B4GALT5: variants seen among roughly 807,000 people sequenced by gnomAD.
B4GALT5 encodes beta-1,4-galactosyltransferase 5.
In B4GALT5, 11 loss-of-function variants were observed where a neutral mutation model predicts 45.0. That is an observed-to-expected ratio of 0.24 (90% confidence interval 0.15 to 0.40). B4GALT5 has a LOEUF of 0.40. Ranked by LOEUF, B4GALT5 falls within the 10% of genes least tolerant of loss-of-function variation. B4GALT5 has a pLI of 1.00. For missense variants in B4GALT5, 337 were observed against 500.2 expected (o/e 0.67, Z 3.11); for synonymous variants, 185 against 182.9 (o/e 1.01, Z -0.09).
At chr20:49,659,499 G>A (rs1006336794) in intron 1 of B4GALT5, among the ~76,000 whole-genome samples, 3 of 152,010 alleles carry the variant, frequency 2.0e-5, no homozygotes, top group Admixed American at 6.5e-5. Context: ...TGTTAGTCTC[G>A]TCATTCAACT....
At chr20:49,664,603 T>C (rs1453219256) in intron 1 of B4GALT5, among the ~76,000 whole-genome samples, 1 of 152,120 alleles carries the variant, frequency 6.6e-6, no homozygotes, top group Non-Finnish European at 1.5e-5. Context: ...AAATTCTGAA[T>C]AGAAAAATCA....
intron 1 of B4GALT5, among the ~76,000 whole-genome samples, chr20:49,665,970 A>C (rs1205778588): frequency 1.3e-5 from 2 of 152,084 alleles, no homozygotes; most frequent in Admixed American, 1.3e-4. Context: ...AGCAAGAGCG[A>C]AAGGGCTTCA....
At position 49,647,472 on chromosome 20, in the gene B4GALT5, G is replaced by A. The variant is rs543982306; in HGVS notation, c.251-394C>T. Reference sequence around the variant, plus strand: ...CCTCTGTCAGCCTCTACGGCTGGTCGTGATGTTTCTGTTTTCAGTCTTACC... The same window carrying A: ...CCTCTGTCAGCCTCTACGGCTGGTCATGATGTTTCTGTTTTCAGTCTTACC... On this transcript the variant is annotated intron_variant, in intron 2 of 8. Coordinates refer to ENST00000371711, the MANE Select transcript of B4GALT5 (RefSeq NM_004776.4). 4.9e-4 allele frequency among the ~76,000 whole-genome samples: 75 copies of A among 152,146 alleles called. 1 individual carries two copies. Among genetic ancestry groups the A allele is most frequent in the South Asian group, 6.2e-4 (3 of 4,804 alleles).
At chr20:49,706,504 C>A (rs2085884581) in intron 1 of B4GALT5, among the ~76,000 whole-genome samples, 1 of 152,118 alleles carries the variant, frequency 6.6e-6, no homozygotes, top group Admixed American at 6.5e-5. Flanking sequence ...AAAGATCTCC[C>A]ATAACTGATA....
chr20:49,663,690 A>T lies in B4GALT5; in HGVS notation c.116-6988T>A, dbSNP rs866107310. ...TTCATCTCAAGAAAAAAAAAAAAAA[A>T]ATATATACATATATATATATATATA... On this transcript the variant is annotated intron_variant, in intron 1 of 8. Transcript: ENST00000371711. Among the ~76,000 whole-genome samples, 158 of 96,924 alleles carry T rather than the reference A, an allele frequency of 1.6e-3. 12 individuals carry two copies. The highest frequency in any genetic ancestry group is 2.5e-3 in the African/African-American group (57 of 22,420). The allele number at this position is 96,924 out of a possible 152,430, so 63.6% of individuals were successfully genotyped here.
At chr20:49,663,690 A>AAAAAATATAT (rs1555812124) in intron 1 of B4GALT5, among the ~76,000 whole-genome samples, 4 of 96,960 alleles carry the variant, frequency 4.1e-5, no homozygotes, top group African/African-American at 1.8e-4. Flanking sequence ...AAAAAAAAAA[A>AAAAAATATAT]ATATATACAT....
intron 3 of B4GALT5, 143 bp from the exon 4 acceptor site, chr20:49,643,793 C>T (rs1478862960): frequency 2.5e-6 from 2 of 814,568 alleles, no homozygotes; most frequent in African/African-American, 3.5e-5. Context: ...CTCTGCTTTC[C>T]ATCTCACCGT....
intron 1 of B4GALT5, among the ~76,000 whole-genome samples, chr20:49,662,657 C>G (rs958250949): frequency 1.3e-5 from 2 of 152,164 alleles, no homozygotes; most frequent in African/African-American, 4.8e-5. Flanking sequence ...CTAACCTGTT[C>G]CTAAGAAAAG....
At chr20:49,664,362 C>T (rs747198619) in intron 1 of B4GALT5, among the ~76,000 whole-genome samples, 2 of 150,332 alleles carry the variant, frequency 1.3e-5, no homozygotes, top group Non-Finnish European at 1.5e-5. Flanking sequence ...GGGACCACAG[C>T]GGAATGCCCC....
At chr20:49,709,339 C>T (rs2085898050) in intron 1 of B4GALT5, among the ~76,000 whole-genome samples, 1 of 152,130 alleles carries the variant, frequency 6.6e-6, no homozygotes, top group African/African-American at 2.4e-5. Context: ...AGAGAAGGGA[C>T]ATCACATTTT....
chr20:49,709,109 T>C (rs1022741005), intron 1 of B4GALT5, among the ~76,000 whole-genome samples: 2 of 152,208 alleles, frequency 1.3e-5, no homozygotes, highest in Admixed American at 6.5e-5. Context: ...CTCATATGTA[T>C]ATTTATAAAT....
chr20:49,709,868 AAC>A (rs1176498794), intron 1 of B4GALT5, among the ~76,000 whole-genome samples: 1 of 152,206 alleles, frequency 6.6e-6, no homozygotes, highest in Non-Finnish European at 1.5e-5. Context: ...ATTTTTTGCA[AAC>A]ACACTATTAA....
chr20:49,646,330 C>T (rs1046523353), intron 3 of B4GALT5, among the ~76,000 whole-genome samples: 2 of 152,278 alleles, frequency 1.3e-5, no homozygotes, highest in South Asian at 2.1e-4. Context: ...ATTCACTCCA[C>T]GTTCACTCAC....
At position 49,674,229 on chromosome 20, in the gene B4GALT5, C is replaced by CAA. The variant is rs1377796417; in HGVS notation, c.116-17529_116-17528dup. 9.3e-3 allele frequency among the ~76,000 whole-genome samples: 596 copies of CAA among 64,130 alleles called. 2 individuals are homozygous for CAA. The highest frequency in any genetic ancestry group is 0.033 in the Middle Eastern group (3 of 92). The allele number at this position is 64,130 out of a possible 152,430, so 42.1% of individuals were successfully genotyped here. On this transcript the variant is annotated intron_variant, in intron 1 of 8. Transcript: ENST00000371711. The stretch of plus-strand genomic sequence containing the variant: ...TGGGCGACAGAGCAAGACTCCATCT[C>CAA]AAAAAAAAAAAAAAAAAAGATGTGG...
At chr20:49,660,311 T>C (rs1377860112) in intron 1 of B4GALT5, among the ~76,000 whole-genome samples, 3 of 152,164 alleles carry the variant, frequency 2.0e-5, no homozygotes, top group African/African-American at 4.8e-5. Context: ...AGCAAGCCCC[T>C]TTTTGGAGAT....
At chr20:49,688,089 G>A (rs181296909) in intron 1 of B4GALT5, among the ~76,000 whole-genome samples, 12 of 152,240 alleles carry the variant, frequency 7.9e-5, no homozygotes, top group Non-Finnish European at 1.5e-4. Context: ...CATGACCAGA[G>A]CCACTATTCA....
intron 1 of B4GALT5, among the ~76,000 whole-genome samples, chr20:49,686,691 TGTTGCATAG>T (rs2085786849): frequency 7.2e-6 from 1 of 139,634 alleles, no homozygotes; most frequent in Non-Finnish European, 1.5e-5. Flanking sequence ...GTTCTTGCTA[TGTTGCATAG>T]GCAACATAGC....
At chr20:49,687,397 G>C (rs905064112) in intron 1 of B4GALT5, among the ~76,000 whole-genome samples, 1 of 152,204 alleles carries the variant, frequency 6.6e-6, no homozygotes, top group African/African-American at 2.4e-5. Flanking sequence ...TGTAATCCCA[G>C]CACTTTGAGA....
intron 1 of B4GALT5, among the ~76,000 whole-genome samples, chr20:49,686,299 TTC>T (rs1303731040): frequency 6.6e-6 from 1 of 152,320 alleles, no homozygotes; most frequent in East Asian, 1.9e-4. Context: ...CTGAGTGGAT[TTC>T]TCTGTGTTGG....
Sources: allele counts gnomAD v4.1 joint callset (sites outside exome capture counted in the v4.1 genomes callset), GRCh38; gene constraint gnomAD v4.1.1; transcripts MANE v1.5; gene names NCBI Gene and HGNC (gene_info 2026-07-23, HGNC 2026-07-21).